SYT14: variants seen among roughly 807,000 people sequenced by gnomAD.
SYT14 encodes synaptotagmin-14.
A neutral mutation model predicts 74.2 loss-of-function variants in SYT14; 32 were observed. The ratio of observed to expected loss-of-function variants is 0.43; its 90% CI spans 0.33 to 0.58. SYT14 has a LOEUF of 0.58. SYT14 is among the 20% of genes least tolerant of loss of function. The pLI is 0.05. For missense variants in SYT14, 791 were observed against 981.8 expected, an observed-to-expected ratio of 0.81 and a Z score of 2.60; for synonymous variants, 298 against 337.7, an observed-to-expected ratio of 0.88 and a Z score of 1.29.
chr1:210,107,198 GAGGC>G (rs2082173975), intron 7 of SYT14, among the ~76,000 whole-genome samples: 1 of 152,264 alleles, frequency 6.6e-6, no homozygotes, highest in African/African-American at 2.4e-5. Flanking sequence ...GACCTTGGGT[GAGGC>G]AGTTCTTTAC....
At chr1:210,137,189 G>A (rs2082805011) in intron 7 of SYT14, among the ~76,000 whole-genome samples, 1 of 152,068 alleles carries the variant, frequency 6.6e-6, no homozygotes, top group East Asian at 1.9e-4. Flanking sequence ...AAACAATATC[G>A]GGAACTCTGA....
chr1:210,116,134 C>T (rs1389205144), intron 7 of SYT14, among the ~76,000 whole-genome samples: 2 of 152,062 alleles, frequency 1.3e-5, no homozygotes, highest in East Asian at 3.9e-4. Flanking sequence ...GCCATTTTCA[C>T]TTCTTTTGTC....
At chr1:210,062,453 A>G (rs2081223165) in intron 5 of SYT14, among the ~76,000 whole-genome samples, 1 of 151,902 alleles carries the variant, frequency 6.6e-6, no homozygotes, top group African/African-American at 2.4e-5. Context: ...AAAGCACAAT[A>G]ATGTGCAAAT....
chr1:210,063,589 A>G (rs1378250851), intron 5 of SYT14, among the ~76,000 whole-genome samples: 1 of 151,786 alleles, frequency 6.6e-6, no homozygotes, highest in African/African-American at 2.4e-5. Flanking sequence ...TTTAATGCAG[A>G]TTTTAATTAC....
chr1:209,946,451 A>G (rs1034167968), intron 1 of SYT14, among the ~76,000 whole-genome samples: 8 of 152,170 alleles, frequency 5.3e-5, no homozygotes, highest in African/African-American at 2.4e-5. Context: ...TGATATGGAG[A>G]AGTTTGAGTG....
At chr1:210,000,466 G>GCACACACACA (rs375046637) in intron 2 of SYT14, among the ~76,000 whole-genome samples, 5,648 of 143,106 alleles carry the variant, frequency 0.039, 276 homozygotes, top group East Asian at 0.2. Context: ...GTCCTCATAC[G>GCACACACACA]CACACACACA....
intron 1 of SYT14, among the ~76,000 whole-genome samples, chr1:209,945,861 AT>A (rs1558084848): frequency 6.6e-6 from 1 of 152,108 alleles, no homozygotes; most frequent in Non-Finnish European, 1.5e-5. Flanking sequence ...ACAAATTTGC[AT>A]TTTTTACAAA....
chr1:210,159,629 T>C (rs2083334352), intron 9 of SYT14, among the ~76,000 whole-genome samples, 152 bp downstream of exon 8: 1 of 152,216 alleles, frequency 6.6e-6, no homozygotes, highest in Admixed American at 6.5e-5. Context: ...TAACTTAGAA[T>C]TTATCTCTGA....
At chr1:210,023,626 G>C (rs2080349201) in intron 5 of SYT14, among the ~76,000 whole-genome samples, 1 of 152,150 alleles carries the variant, frequency 6.6e-6, no homozygotes, top group Admixed American at 6.5e-5. Context: ...ACAGGCATGA[G>C]CCACCGTGCC....
At chr1:210,137,630 C>T (rs545570714) in intron 7 of SYT14, among the ~76,000 whole-genome samples, 32 of 151,080 alleles carry the variant, frequency 2.1e-4, no homozygotes, top group South Asian at 2.1e-3. Flanking sequence ...TTGATTTGAA[C>T]CATGTTCTCC....
At chr1:210,013,691 G>C in exon 3 of SYT14, 2 of 1,612,928 alleles carry the variant, frequency 1.2e-6, no homozygotes, top group Non-Finnish European at 1.7e-6. Flanking sequence ...TCTTGATGCT[G>C]CTCCTTTTTC....
At chr1:210,085,500 T>C (rs978573175) in intron 5 of SYT14, among the ~76,000 whole-genome samples, 5 of 152,210 alleles carry the variant, frequency 3.3e-5, no homozygotes, top group African/African-American at 1.2e-4. Flanking sequence ...GATGTTTGCT[T>C]TAGGACTTTC....
exon 4 of SYT14, chr1:210,016,845 A>C (rs1361160716): frequency 4.4e-5 from 54 of 1,231,722 alleles, no homozygotes; most frequent in Non-Finnish European, 5.2e-5. Context: ...TCAGGAAATG[A>C]ATGTTCTTTA....
At chr1:210,099,588 G>A (rs1162952108) in intron 6 of SYT14, among the ~76,000 whole-genome samples, 5 of 152,094 alleles carry the variant, frequency 3.3e-5, no homozygotes, top group East Asian at 3.8e-4. Context: ...TTTTTCCATA[G>A]CGTTATACTT....
intron 2 of SYT14, among the ~76,000 whole-genome samples, chr1:209,996,269 C>T (rs2079789177): frequency 6.6e-6 from 1 of 151,868 alleles, no homozygotes; most frequent in Non-Finnish European, 1.5e-5. Flanking sequence ...ACAAAGATGG[C>T]AGTATAACTG....
intron 5 of SYT14, among the ~76,000 whole-genome samples, chr1:210,090,393 G>T (rs115233097): frequency 9.9e-5 from 15 of 151,234 alleles, no homozygotes; most frequent in African/African-American, 3.6e-4. Flanking sequence ...TTCTGCAGTC[G>T]TTGAATATAC....
intron 5 of SYT14, among the ~76,000 whole-genome samples, chr1:210,077,243 G>A (rs999790305): frequency 6.6e-6 from 1 of 152,024 alleles, no homozygotes; most frequent in African/African-American, 2.4e-5. Context: ...AGAGAGAGTC[G>A]GTGGGGGGGA....
At chr1:209,973,926 CA>C (rs1404121987) in intron 2 of SYT14, among the ~76,000 whole-genome samples, 3 of 152,138 alleles carry the variant, frequency 2.0e-5, no homozygotes, top group African/African-American at 7.2e-5. Flanking sequence ...GATGGTATCT[CA>C]TTGTGGTTTT....
At chr1:210,051,804 A>G (rs1030432694) in intron 5 of SYT14, among the ~76,000 whole-genome samples, 1 of 152,168 alleles carries the variant, frequency 6.6e-6, no homozygotes, top group African/African-American at 2.4e-5. Context: ...TCCCACGTTC[A>G]TGAGAAATAC....
Sources: gnomAD v4.1 joint callset for allele counts (sites outside exome capture counted in the v4.1 genomes callset) on GRCh38, gnomAD v4.1.1 for gene constraint, MANE v1.5 for transcripts, NCBI Gene and HGNC (gene_info 2026-07-23, HGNC 2026-07-21) for gene names.